Variants in GPR149 observed in about 807,000 individuals in gnomAD.
GPR149 encodes G protein-coupled receptor 149, also known as probable G protein-coupled receptor 149.
A neutral mutation model predicts 50.2 loss-of-function variants in GPR149; 50 were observed. The observed-to-expected ratio is 1.00, with a 90% CI of 0.79 to 1.26. The LOEUF (loss-of-function observed/expected upper bound fraction) is 1.26, where lower values mean the gene tolerates loss of function less well. Ranked by LOEUF, GPR149 falls within the 50% of genes most tolerant of loss-of-function variation. GPR149 has a pLI of 0.00. For missense variants in GPR149, 983 were observed against 895.4 expected (o/e 1.10, Z -1.25); for synonymous variants, 405 against 358.2 (o/e 1.13, Z -1.48).
intron 3 of GPR149, among the ~76,000 whole-genome samples, chr3:154,344,860 T>A (rs931569745): frequency 6.6e-6 from 1 of 152,236 alleles, no homozygotes; most frequent in African/African-American, 2.4e-5. Context: ...TTTGTTGTTT[T>A]CAACCATCTT....
chr3:154,368,917 A>G (rs1278900668), intron 3 of GPR149, among the ~76,000 whole-genome samples: 1 of 152,214 alleles, frequency 6.6e-6, no homozygotes, highest in Admixed American at 6.5e-5. Flanking sequence ...AACAGGTAGA[A>G]TGCATTGGCA....
chr3:154,408,565 C>T (rs1375338576), intron 3 of GPR149, among the ~76,000 whole-genome samples: 1 of 152,158 alleles, frequency 6.6e-6, no homozygotes, highest in Non-Finnish European at 1.5e-5. Flanking sequence ...GACTTTCCCC[C>T]ACTTTCCTGG....
chr3:154,342,764 C>A (rs752857512), intron 3 of GPR149, among the ~76,000 whole-genome samples: 1 of 125,686 alleles, frequency 8.0e-6, no homozygotes, highest in African/African-American at 2.8e-5. Context: ...TTTCAGAATG[C>A]CCTCCATAAA....
chr3:154,376,357 A>C (rs1714792814), intron 3 of GPR149, among the ~76,000 whole-genome samples: 1 of 152,226 alleles, frequency 6.6e-6, no homozygotes, highest in Non-Finnish European at 1.5e-5. Context: ...ATATATCAAT[A>C]ATCAGTTTCT....
In GPR149 at chr3:154,336,748, T is replaced by A. The variant is rs937524267; in HGVS notation, c.*951A>T. The A allele has an allele frequency of 6.6e-6, 1 of 152,140 alleles. No homozygotes were observed. The highest frequency in any genetic ancestry group is 2.4e-5 in the African/African-American group (1 of 41,464). The allele number at this position is 152,140 out of a possible 1,614,324, so 9.4% of individuals were successfully genotyped here. ...GAAGTAAACTTTTCTATTTCAAGAA[T>A]GACTAAGAAAGGTTGCCCAATCCTC... On this transcript the variant is annotated 3_prime_UTR_variant, in exon 4 of 4. Transcript: ENST00000389740.
At chr3:154,369,998 G>T (rs1714627403) in intron 3 of GPR149, among the ~76,000 whole-genome samples, 1 of 152,178 alleles carries the variant, frequency 6.6e-6, no homozygotes, top group African/African-American at 2.4e-5. Flanking sequence ...CATGGAGATT[G>T]GAGCCGCAGG....
At chr3:154,409,659 T>C (rs956482372) in intron 3 of GPR149, among the ~76,000 whole-genome samples, 1 of 152,022 alleles carries the variant, frequency 6.6e-6, no homozygotes, top group Non-Finnish European at 1.5e-5. Context: ...GCTTTTGAAT[T>C]AACCAAATCC....
rs769253793 is a variant in GPR149 at position 154,429,031 on chromosome 3, A to G, written c.585T>C (p.Ser195=). 10 of 1,614,016 alleles carry G rather than the reference A, an allele frequency of 6.2e-6. No homozygotes were observed. Among genetic ancestry groups the G allele is most frequent in the Admixed American group, 1.7e-5 (1 of 60,026 alleles). ...GTCCGAAGGCCAAAGCGTACACGATAGAGAGGAATAGTACGTAGGAGCTGG... is the reference window on the plus strand; with the variant it reads ...GTCCGAAGGCCAAAGCGTACACGATGGAGAGGAATAGTACGTAGGAGCTGG... ...DCSSSYVLFL[S]IVYALAFGLL... The change falls in exon 1 of 4, where the codon TCT becomes TCC. Residue 195 remains serine, a synonymous_variant. Transcript: ENST00000389740.
intron 3 of GPR149, among the ~76,000 whole-genome samples, chr3:154,346,699 G>T (rs1713935464): frequency 6.6e-6 from 1 of 151,632 alleles, no homozygotes; most frequent in Non-Finnish European, 1.5e-5. Flanking sequence ...TCTTTCAAGT[G>T]ATTCTCATGC....
chr3:154,352,204 C>T, intron 3 of GPR149: 1 of 897,682 alleles, frequency 1.1e-6, no homozygotes, highest in East Asian at 2.5e-5. Context: ...CTTCTACCAT[C>T]TTGTCGACTT....
intron 3 of GPR149, among the ~76,000 whole-genome samples, chr3:154,340,845 C>A (rs1713774304): frequency 6.6e-6 from 1 of 152,174 alleles, no homozygotes; most frequent in Admixed American, 6.5e-5. Context: ...CCTCAGCCTC[C>A]TGAGTAGCTG....
At chr3:154,341,311 AT>A (rs1713791669) in intron 3 of GPR149, among the ~76,000 whole-genome samples, 1 of 58,140 alleles carries the variant, frequency 1.7e-5, no homozygotes, top group African/African-American at 6.6e-5. Context: ...ATATATATAT[AT>A]ATATATATAT....
At chr3:154,400,907 A>G (rs943850963) in intron 3 of GPR149, among the ~76,000 whole-genome samples, 1 of 152,216 alleles carries the variant, frequency 6.6e-6, no homozygotes, top group Non-Finnish European at 1.5e-5. Context: ...ATTAAATATC[A>G]TTTTATCTAG....
At chr3:154,349,418 CAG>C (rs761019445) in intron 3 of GPR149, among the ~76,000 whole-genome samples, 2 of 152,164 alleles carry the variant, frequency 1.3e-5, no homozygotes, top group Non-Finnish European at 2.9e-5. Flanking sequence ...GATATCACTG[CAG>C]AGTCTGCAGC....
intron 3 of GPR149, among the ~76,000 whole-genome samples, chr3:154,345,031 A>G (rs1432203440): frequency 2.0e-5 from 3 of 152,180 alleles, no homozygotes; most frequent in East Asian, 1.9e-4. Context: ...TCAAATCCAC[A>G]TGTGATGTAA....
At position 154,407,287 on chromosome 3, in the gene GPR149, A is replaced by G. The variant is rs144386223; in HGVS notation, c.1623+13752T>C. Among the ~76,000 whole-genome samples, 68 of 152,298 alleles carry G rather than the reference A, an allele frequency of 4.5e-4. 6 individuals carry two copies. The East Asian group carries it at 5.4e-3, about 12-fold the overall frequency. On this transcript the variant is annotated intron_variant, in intron 3 of 3. Coordinates refer to ENST00000389740, the MANE Select transcript of GPR149 (RefSeq NM_001038705.3). The stretch of plus-strand genomic sequence containing the variant: ...AAAAATGTAATATAAAATGAAGGGA[A>G]TGGAAAAATGGAAATGCAAAGAACT...
chr3:154,367,875 T>C (rs1358915065), intron 3 of GPR149, among the ~76,000 whole-genome samples: 1 of 152,188 alleles, frequency 6.6e-6, no homozygotes, highest in Non-Finnish European at 1.5e-5. Context: ...TTAGACCTCT[T>C]TCGCTTGCTA....
chr3:154,402,955 C>A (rs1360201254), intron 3 of GPR149, among the ~76,000 whole-genome samples: 4 of 150,502 alleles, frequency 2.7e-5, no homozygotes, highest in Non-Finnish European at 5.9e-5. Context: ...CTAATGGAAT[C>A]TTTGTGAACA....
At position 154,429,427 on chromosome 3, in the gene GPR149, GT is replaced by G. The variant is rs1392653071; in HGVS notation, c.188del (p.Asn63ThrfsTer18). The G allele has an allele frequency of 5.6e-6, 9 of 1,614,034 alleles. No homozygotes were observed. The Admixed American group carries it at 1.5e-4, about 27-fold the overall frequency. ...CCACAAGCATGGACACAACAGTTCT[GT>G]TCTGCATTTTCAGCAGGGAAATTAG... is the stretch of plus-strand genomic sequence containing the variant. The part of the protein sequence containing the change: ...YSLISLLKMQ[N>X]RTVVSMLVAS... On this transcript the variant is annotated frameshift_variant, in exon 1 of 4. Transcript: ENST00000389740. LOFTEE classifies it high-confidence loss of function.
Sources: gnomAD v4.1 joint callset for allele counts (sites outside exome capture counted in the v4.1 genomes callset) on GRCh38, gnomAD v4.1.1 for gene constraint, MANE v1.5 for transcripts, NCBI Gene and HGNC (gene_info 2026-07-23, HGNC 2026-07-21) for gene names.